The following PDE11A variants were observed in gnomAD, a reference collection of about 807,000 sequenced individuals.
PDE11A encodes dual 3',5'-cyclic-AMP and -GMP phosphodiesterase 11A.
A neutral mutation model predicts 100.5 loss-of-function variants in PDE11A; 100 were observed. The ratio of observed to expected loss-of-function variants is 1.00; its 90% CI spans 0.85 to 1.18. The LOEUF is 1.18. Among genes scored for constraint, PDE11A ranks in the 50% most tolerant of loss-of-function variants. The pLI, the probability that PDE11A is intolerant of heterozygous loss-of-function variation, is 0.00. For synonymous variants in PDE11A, 381 were observed against 420.8 expected, an observed-to-expected ratio of 0.91 and a Z score of 1.16; for missense variants, 1,141 against 1,152.6, an observed-to-expected ratio of 0.99 and a Z score of 0.15.
intron 2 of PDE11A, among the ~76,000 whole-genome samples, chr2:177,926,057 T>G (rs1394854068): frequency 6.6e-6 from 1 of 150,798 alleles, no homozygotes; most frequent in Non-Finnish European, 1.5e-5. Flanking sequence ...TATATCAACT[T>G]AGCAAGATAA....
chr2:177,694,947 A>G (rs1248956728), intron 15 of PDE11A, among the ~76,000 whole-genome samples: 1 of 152,040 alleles, frequency 6.6e-6, no homozygotes, highest in Non-Finnish European at 1.5e-5. Context: ...GAGAATTCTA[A>G]CAACAGTTTT....
Position 177,623,644 on chromosome 2 carries a change from T to C in PDE11A, c.*5763A>G, listed in dbSNP as rs2079793147. ...AACTAGAGTAAAAGAAAAATTGAGA[T>C]TCGAATACACACGCATATACACACA... On this transcript the variant is annotated 3_prime_UTR_variant, in exon 20 of 20. Transcript: ENST00000286063. The C allele has an allele frequency of 3.3e-5, 5 of 152,180 alleles. No individual in the cohort carries two copies. In the South Asian group the frequency reaches 8.3e-4, roughly 25 times the overall value. 9.4% of individuals were successfully genotyped at this position (152,180 alleles called of 1,614,324 possible).
intron 2 of PDE11A, among the ~76,000 whole-genome samples, chr2:177,981,740 A>T (rs1253575384): frequency 1.3e-5 from 2 of 151,064 alleles, no homozygotes; most frequent in Non-Finnish European, 3.0e-5. Flanking sequence ...TTATGAAATT[A>T]TCTTGCTAGA....
intron 1 of PDE11A, among the ~76,000 whole-genome samples, chr2:178,016,278 C>T (rs563278841): frequency 2.6e-5 from 4 of 151,854 alleles, no homozygotes; most frequent in South Asian, 4.2e-4. Flanking sequence ...CCACAGTGCC[C>T]GGCCAGGAGT....
chr2:178,026,262 T>G (rs1331201275), intron 1 of PDE11A, among the ~76,000 whole-genome samples: 1 of 152,220 alleles, frequency 6.6e-6, no homozygotes, highest in Non-Finnish European at 1.5e-5. Flanking sequence ...ATACCAGAAT[T>G]TATAGAGTCA....
In PDE11A at chr2:177,937,418, T is replaced by C. The variant is rs1425842718; in HGVS notation, c.1072-32231A>G. ...CTACAACCCCTGCCTCCTGGGTTCA[T>C]GCGATTCTCCTGCCTCAGCCTCCTA... On this transcript the variant is annotated intron_variant, in intron 2 of 19. Transcript: ENST00000286063. 4.0e-5 allele frequency among the ~76,000 whole-genome samples: 6 copies of C among 149,830 alleles called. No individual in the cohort carries two copies. In the East Asian group the frequency reaches 1.2e-3, roughly 30 times the overall value.
chr2:177,879,908 T>G (rs2084301139), intron 4 of PDE11A, among the ~76,000 whole-genome samples: 1 of 152,198 alleles, frequency 6.6e-6, no homozygotes, highest in South Asian at 2.1e-4. Context: ...CCAACATAAA[T>G]TACAAGCTGA....
chr2:177,883,481 A>G (rs1405650), intron 4 of PDE11A, among the ~76,000 whole-genome samples: 64,977 of 151,864 alleles, frequency 0.43, 15,041 homozygotes, highest in African/African-American at 0.61. Flanking sequence ...CAGTACAGAG[A>G]AGCAAACAGT....
chr2:177,768,595 G>A (rs1477188687), intron 10 of PDE11A, among the ~76,000 whole-genome samples: 1 of 152,164 alleles, frequency 6.6e-6, no homozygotes. Flanking sequence ...TGCCTGGTAG[G>A]AGTGCAGGGA....
intron 1 of PDE11A, among the ~76,000 whole-genome samples, chr2:178,027,466 T>C (rs1349107631): frequency 1.3e-5 from 2 of 152,114 alleles, no homozygotes; most frequent in Admixed American, 1.3e-4. Context: ...TGCTACTGAA[T>C]TGTCAGTAAA....
chr2:177,832,430 C>A (rs2083325371), intron 6 of PDE11A, among the ~76,000 whole-genome samples: 1 of 152,140 alleles, frequency 6.6e-6, no homozygotes, highest in Admixed American at 6.5e-5. Flanking sequence ...ATGCTTCCTG[C>A]CCTCGAACAT....
At chr2:177,959,821 G>T (rs1363327666) in intron 2 of PDE11A, among the ~76,000 whole-genome samples, 1 of 152,020 alleles carries the variant, frequency 6.6e-6, no homozygotes, top group Non-Finnish European at 1.5e-5. Flanking sequence ...TGGTGAGAAG[G>T]TTATATATTA....
rs1250059839 is a variant in PDE11A at position 177,944,885 on chromosome 2, A to C, written c.1072-39698T>G. Among the ~76,000 whole-genome samples the C allele has an allele frequency of 4.1e-5, 6 of 145,200 alleles. No individual in the cohort carries two copies. The South Asian group carries it at 7.2e-4, about 18-fold the overall frequency. On this transcript the variant is annotated intron_variant, in intron 2 of 19. Transcript: ENST00000286063. Reference sequence around the variant, plus strand: ...ACGGTCTCCCTCTCATGTGGAGCCAAAGCTGGACTGTACTGCTGCCATCTT... The same window carrying C: ...ACGGTCTCCCTCTCATGTGGAGCCACAGCTGGACTGTACTGCTGCCATCTT...
chr2:177,816,533 T>C (rs2083042150), intron 9 of PDE11A, among the ~76,000 whole-genome samples: 1 of 152,196 alleles, frequency 6.6e-6, no homozygotes, highest in Non-Finnish European at 1.5e-5. Flanking sequence ...TAAAATAAAT[T>C]TGAAATCCTG....
chr2:178,095,477 C>T (rs918402557), intron 2 of PDE11A, among the ~76,000 whole-genome samples: 5 of 152,208 alleles, frequency 3.3e-5, no homozygotes, highest in African/African-American at 1.2e-4. Context: ...TACAGCCCTG[C>T]TCCTGGCTGC....
chr2:177,758,060 G>T (rs865996247), intron 10 of PDE11A, among the ~76,000 whole-genome samples: 2 of 151,716 alleles, frequency 1.3e-5, no homozygotes, highest in Non-Finnish European at 2.9e-5. Context: ...ACTTTCGGAG[G>T]CCGAAGTGGG....
intron 2 of PDE11A, among the ~76,000 whole-genome samples, chr2:177,906,581 C>T (rs901111464): frequency 5.7e-4 from 87 of 152,146 alleles, no homozygotes; most frequent in African/African-American, 2.0e-3. Flanking sequence ...CAATGGGATC[C>T]GAATTAAGAA....
chr2:177,949,113 C>T (rs768899610), intron 2 of PDE11A, among the ~76,000 whole-genome samples: 69 of 152,112 alleles, frequency 4.5e-4, no homozygotes, highest in Non-Finnish European at 8.5e-4. Flanking sequence ...GACAAGGTGC[C>T]GTACTCTTTA....
chr2:177,834,573 G>T (rs2083362638), intron 6 of PDE11A, among the ~76,000 whole-genome samples: 1 of 152,196 alleles, frequency 6.6e-6, no homozygotes, highest in Non-Finnish European at 1.5e-5. Flanking sequence ...CACACAGCCT[G>T]GGCCTGGGGT....
Sources: allele counts gnomAD v4.1 joint callset (sites outside exome capture counted in the v4.1 genomes callset), GRCh38; gene constraint gnomAD v4.1.1; transcripts MANE v1.5; gene names NCBI Gene and HGNC (gene_info 2026-07-23, HGNC 2026-07-21).